PSD3: variants seen among roughly 807,000 people sequenced by gnomAD.
PSD3 encodes the protein pleckstrin and Sec7 domain containing 3, also known as PH and SEC7 domain-containing protein 3.
PSD3 carries 49 observed loss-of-function variants against 105.5 expected under a neutral mutation model. The ratio of observed to expected loss-of-function variants is 0.46; its 90% CI spans 0.37 to 0.59. The LOEUF (loss-of-function observed/expected upper bound fraction) is 0.59. PSD3 is among the 20% of genes least tolerant of loss of function. The pLI is 0.00. For synonymous variants in PSD3, 557 were observed against 457.8 expected (o/e 1.22, Z -2.77); for missense variants, 1,561 against 1,263.8 (o/e 1.24, Z -3.57).
chr8:18,748,126 G>C (rs1805175199), intron 9 of PSD3, among the ~76,000 whole-genome samples: 1 of 152,076 alleles, frequency 6.6e-6, no homozygotes, highest in African/African-American at 2.4e-5. Context: ...GTGAAAAAAG[G>C]ACCAGCTGGC....
chr8:18,867,900 T>C lies in PSD3; in HGVS notation c.1408A>G (p.Ser470Gly). 1 of 1,614,166 alleles carries C rather than the reference T, an allele frequency of 6.2e-7. No homozygotes were observed. The highest frequency in any genetic ancestry group is 8.5e-7 in the Non-Finnish European group (1 of 1,180,016). Residue 470 changes from serine to glycine, a missense_variant, in exon 4 of 16, where the codon AGC becomes GGC. Coordinates refer to ENST00000327040, the MANE Select transcript of PSD3 (RefSeq NM_015310.4). ...AGGGGCATTTCAAAGCTAAAATAGC[T>C]ATCAGGCTCTGAGTATAATGTCTCC... ...SLETLYSEPD[S>G]YFSFEMPLTP...
At chr8:18,883,407 C>T (rs1818250017) in intron 2 of PSD3, among the ~76,000 whole-genome samples, 1 of 152,140 alleles carries the variant, frequency 6.6e-6, no homozygotes, top group Non-Finnish European at 1.5e-5. Flanking sequence ...AACCCCGGTC[C>T]CTTTCCAAGA....
intron 9 of PSD3, among the ~76,000 whole-genome samples, chr8:18,667,277 C>T (rs1390699883): frequency 6.6e-6 from 1 of 152,150 alleles, no homozygotes; most frequent in Non-Finnish European, 1.5e-5. Flanking sequence ...CATTTACAAT[C>T]CCTGAGCTAG....
chr8:18,531,212 A>G lies in PSD3; in HGVS notation c.*4531T>C, dbSNP rs955413353. The stretch of plus-strand genomic sequence containing the variant: ...AGAGACTTAAGAAAACCTACTGTAT[A>G]TACAATTATGTAACTTGCAAAATTT... On this transcript the variant is annotated 3_prime_UTR_variant, in exon 16 of 16. Coordinates refer to ENST00000327040, the MANE Select transcript of PSD3 (RefSeq NM_015310.4). 2.6e-5 allele frequency: 4 copies of G among 152,816 alleles called. No homozygotes were observed. The highest frequency in any genetic ancestry group is 4.4e-5 in the Non-Finnish European group (3 of 68,048). The allele number at this position is 152,816 out of a possible 1,614,324, so 9.5% of individuals were successfully genotyped here.
chr8:18,667,604 G>A (rs1799545954), intron 9 of PSD3, among the ~76,000 whole-genome samples: 1 of 152,194 alleles, frequency 6.6e-6, no homozygotes, highest in Non-Finnish European at 1.5e-5. Context: ...AGATTTAGGA[G>A]CCCAGCTGGC....
At chr8:18,642,407 T>C (rs1238578632) in intron 10 of PSD3, among the ~76,000 whole-genome samples, 1 of 152,132 alleles carries the variant, frequency 6.6e-6, no homozygotes, top group Non-Finnish European at 1.5e-5. Context: ...TCTAAAATGC[T>C]CCTCATATAC....
intron 9 of PSD3, among the ~76,000 whole-genome samples, chr8:18,675,542 T>TC (rs1800018757): frequency 1.3e-5 from 2 of 151,540 alleles, no homozygotes; most frequent in Admixed American, 1.3e-4. Flanking sequence ...ATAAGGGGAG[T>TC]CAGGCTAGGA....
At chr8:18,991,369 C>CATACACACACACACACACAT (rs148053010) in intron 1 of PSD3, among the ~76,000 whole-genome samples, 8 of 52,898 alleles carry the variant, frequency 1.5e-4, no homozygotes, top group African/African-American at 3.5e-4. Context: ...CACACACACA[C>CATACACACACACACACACAT]ACATACACAC....
At chr8:19,052,578 T>G (rs554119164) in intron 1 of PSD3, among the ~76,000 whole-genome samples, 3 of 152,312 alleles carry the variant, frequency 2.0e-5, no homozygotes. Flanking sequence ...TCTTGTAGTT[T>G]CTCTAGCTGT....
chr8:19,047,072 G>C (rs186665104), intron 1 of PSD3, among the ~76,000 whole-genome samples: 2 of 151,130 alleles, frequency 1.3e-5, no homozygotes, highest in South Asian at 2.1e-4. Flanking sequence ...TCCGGGGCTC[G>C]TTGCCAGCAG....
intron 12 of PSD3, among the ~76,000 whole-genome samples, chr8:18,593,750 TTAAGAAAATGTGGCAC>T (rs1428705170): frequency 6.6e-6 from 1 of 151,880 alleles, no homozygotes; most frequent in East Asian, 2.0e-4. Context: ...ATAGACTGGA[TTAAGAAAATGTGGCAC>T]ATATACACCA....
Position 18,632,544 on chromosome 8 carries a change from A to C in PSD3, c.2410+69T>G, listed in dbSNP as rs2130767997. 2.0e-6 allele frequency: 3 copies of C among 1,490,906 alleles called. No individual in the cohort carries two copies. In the East Asian group the frequency reaches 6.8e-5, roughly 34 times the overall value. The allele number at this position is 1,490,906 out of a possible 1,614,324, so 92.4% of individuals were successfully genotyped here. On this transcript the variant is annotated intron_variant, in intron 11 of 15. Coordinates refer to ENST00000327040, the MANE Select transcript of PSD3 (RefSeq NM_015310.4). ...TTTTTTCATCCTTGACTTTCAGATA[A>C]ATTCCCTTTAAATTTTGAGCATAAA...
At chr8:19,007,919 T>C (rs530957996) in intron 1 of PSD3, among the ~76,000 whole-genome samples, 29 of 152,354 alleles carry the variant, frequency 1.9e-4, no homozygotes, top group African/African-American at 7.0e-4. Context: ...CTCTGCTCAC[T>C]GCAACCTCCG....
At chr8:18,634,361 A>T (rs1371078883) in intron 10 of PSD3, among the ~76,000 whole-genome samples, 3 of 152,090 alleles carry the variant, frequency 2.0e-5, no homozygotes, top group Non-Finnish European at 4.4e-5. Context: ...TTTTGAAAGA[A>T]TTTTAGATTT....
chr8:18,863,855 A>G (rs1050616692), intron 4 of PSD3, among the ~76,000 whole-genome samples: 1 of 152,206 alleles, frequency 6.6e-6, no homozygotes, highest in African/African-American at 2.4e-5. Flanking sequence ...AGGGAAGAAC[A>G]GTGTCCCTCT....
intron 12 of PSD3, among the ~76,000 whole-genome samples, chr8:18,584,582 T>C (rs933694480): frequency 3.3e-5 from 5 of 152,222 alleles, no homozygotes; most frequent in African/African-American, 1.2e-4. Context: ...CAACCTATTA[T>C]ACTAACAAAC....
chr8:18,860,725 T>A (rs1235331799), intron 4 of PSD3, among the ~76,000 whole-genome samples: 3 of 152,172 alleles, frequency 2.0e-5, no homozygotes, highest in Non-Finnish European at 4.4e-5. Context: ...GCAAATATGG[T>A]GCTAAGAGAC....
intron 2 of PSD3, 59 bp from the exon 3 acceptor site, chr8:18,872,792 A>G: frequency 7.0e-7 from 1 of 1,435,322 alleles, no homozygotes; most frequent in South Asian, 1.4e-5. Flanking sequence ...CCCAGTAGGT[A>G]ATAATGCATA....
chr8:18,959,261 T>G (rs528935555), intron 1 of PSD3, among the ~76,000 whole-genome samples: 3 of 152,174 alleles, frequency 2.0e-5, no homozygotes, highest in Non-Finnish European at 2.9e-5. Context: ...GACGATCCCT[T>G]TAATATATCT....
Sources: gnomAD v4.1 joint callset for allele counts (sites outside exome capture counted in the v4.1 genomes callset) on GRCh38, gnomAD v4.1.1 for gene constraint, MANE v1.5 for transcripts, NCBI Gene and HGNC (gene_info 2026-07-23, HGNC 2026-07-21) for gene names.